Variants in ZNF251 observed in about 807,000 individuals in gnomAD.
ZNF251 encodes zinc finger protein 251.
A neutral mutation model predicts 13.5 loss-of-function variants in ZNF251; 14 were observed. The ratio of observed to expected loss-of-function variants is 1.04; its 90% CI spans 0.69 to 1.63. The LOEUF (loss-of-function observed/expected upper bound fraction) is 1.63, where lower values mean the gene tolerates loss of function less well. Ranked by LOEUF, ZNF251 falls within the 40% of genes most tolerant of loss-of-function variation. The pLI is 0.00. For missense variants in ZNF251, 764 were observed against 834.9 expected (o/e 0.92, Z 1.05); for synonymous variants, 287 against 295.2 (o/e 0.97, Z 0.28).
chr8:144,724,060 G>A (rs1188251689), intron 4 of ZNF251, among the ~76,000 whole-genome samples: 1 of 152,016 alleles, frequency 6.6e-6, no homozygotes, highest in Non-Finnish European at 1.5e-5. Flanking sequence ...TGGGTAACAC[G>A]GTGAAACCCC....
At position 144,723,499 on chromosome 8, in the gene ZNF251, A is replaced by G. The variant is rs758489179; in HGVS notation, c.278-117T>C. 2.6e-4 allele frequency: 168 copies of G among 646,220 alleles called. 1 individual carries two copies. Among genetic ancestry groups the G allele is most frequent in the Non-Finnish European group, 3.5e-4 (157 of 445,624 alleles). The allele number at this position is 646,220 out of a possible 1,614,324, so 40.0% of individuals were successfully genotyped here. ...GCAGAAGGCAGATGCTCCAATAGGA[A>G]AAGATGTGAAAGGCAGAATTCAGAA... On this transcript the variant is annotated intron_variant, in intron 4 of 4. Coordinates refer to ENST00000292562, the MANE Select transcript of ZNF251 (RefSeq NM_138367.2).
chr8:144,754,414 G>A lies in ZNF251; in HGVS notation c.34-93C>T, dbSNP rs543615980. On this transcript the variant is annotated intron_variant, in intron 2 of 4. Coordinates refer to ENST00000292562, the MANE Select transcript of ZNF251 (RefSeq NM_138367.2). ...GACCTGGTGGGGCCCCACTACCCAGGGCCCTGCTGTGGTCAGTATGAACTG... is the reference window on the plus strand; with the variant it reads ...GACCTGGTGGGGCCCCACTACCCAGAGCCCTGCTGTGGTCAGTATGAACTG... 5.4e-6 allele frequency: 8 copies of A among 1,468,162 alleles called. No individual in the cohort carries two copies. The East Asian group carries it at 1.2e-4, about 23-fold the overall frequency. The allele number at this position is 1,468,162 out of a possible 1,614,324, so 90.9% of individuals were successfully genotyped here.
chr8:144,742,200 C>A (rs1586698691), intron 4 of ZNF251, among the ~76,000 whole-genome samples: 1 of 151,406 alleles, frequency 6.6e-6, no homozygotes, highest in South Asian at 2.1e-4. Flanking sequence ...CTTTAAAGTG[C>A]TGAATGGGAA....
At chr8:144,730,751 C>T (rs890835519) in intron 4 of ZNF251, among the ~76,000 whole-genome samples, 7 of 152,216 alleles carry the variant, frequency 4.6e-5, no homozygotes, top group Non-Finnish European at 7.4e-5. Context: ...TGTGGCTCTC[C>T]GGGGTGCCCA....
At position 144,721,687 on chromosome 8, in the gene ZNF251, T is replaced by G. The variant is rs770698571; in HGVS notation, c.1973A>C (p.Tyr658Ser). Residue 658 changes from tyrosine (Y) to serine (S), a missense_variant, in exon 5 of 5, where the codon TAC (tyrosine) becomes TCC (serine). Coordinates refer to ENST00000292562, the MANE Select transcript of ZNF251 (RefSeq NM_138367.2). ...GAAAATCTTCTTGATATGAATAAAG[T>G]ATCTTTTAGAGCCATCATTTAAAGC... ...KPALNDGSKR[Y>S]FIHIKKIFQE... 5.9e-6 allele frequency: 8 copies of G among 1,353,154 alleles called. No individual in the cohort carries two copies. Among genetic ancestry groups the G allele is most frequent in the Non-Finnish European group, 7.7e-6 (8 of 1,043,284 alleles). 83.8% of individuals were successfully genotyped at this position (1,353,154 alleles called of 1,614,324 possible).
chr8:144,734,503 C>T lies in ZNF251; in HGVS notation c.278-11121G>A, dbSNP rs1307131632. ...AAGGCTCACAGCAACGGCATGAACT[C>T]TACTTGGTGCCGCTGGCCCTGTGGT... is the stretch of plus-strand genomic sequence containing the variant. On this transcript the variant is annotated intron_variant, in intron 4 of 4. Transcript: ENST00000292562. This position sits in a 1 kb window ranked among gnomAD's most constrained non-coding sequence, Gnocchi z 4.4. Among the ~76,000 whole-genome samples the T allele has an allele frequency of 3.3e-5, 5 of 152,206 alleles. No homozygotes were observed. Among genetic ancestry groups the T allele is most frequent in the Admixed American group, 2.0e-4 (3 of 15,278 alleles).
chr8:144,730,577 G>A lies in ZNF251; in HGVS notation c.278-7195C>T, dbSNP rs555280417. Among the ~76,000 whole-genome samples, 17 of 151,676 alleles carry A rather than the reference G, an allele frequency of 1.1e-4. No homozygotes were observed. In the East Asian group the frequency reaches 3.2e-3, roughly 28 times the overall value. On this transcript the variant is annotated intron_variant, in intron 4 of 4. Coordinates refer to ENST00000292562, the MANE Select transcript of ZNF251 (RefSeq NM_138367.2). ...ACGGGGCGTCCCGGGGGTGACACTG[G>A]CATGTGACGCTGCGACGGGGCGTCC...
Position 144,722,098 on chromosome 8 carries a change from T to C in ZNF251, c.1562A>G (p.His521Arg), listed in dbSNP as rs2129917113. ...GGAGCCATGAACAAAGGCTGGACCA[T>C]GTTTTCTGCACTTACGAGTCTCTCC... The part of the protein sequence containing the change: ...HSGETRKCRK[H>R]GPAFVHGSSL... Residue 521 changes from histidine (H) to arginine (R), a missense_variant, in exon 5 of 5, where the codon CAT becomes CGT. Transcript: ENST00000292562. The surrounding 1 kb of genome is among the most constrained non-coding windows in gnomAD (Gnocchi z 4.8). 1 of 1,613,912 alleles carries C rather than the reference T, an allele frequency of 6.2e-7. No individual in the cohort carries two copies. Among genetic ancestry groups the C allele is most frequent in the Non-Finnish European group, 8.5e-7 (1 of 1,179,876 alleles).
intron 4 of ZNF251, among the ~76,000 whole-genome samples, chr8:144,743,010 A>C (rs1289896190): frequency 6.6e-6 from 1 of 152,214 alleles, no homozygotes; most frequent in Non-Finnish European, 1.5e-5. Flanking sequence ...TTCACTTGGT[A>C]ATGTGCACTT....
Position 144,736,266 on chromosome 8 carries a change from G to A in ZNF251, c.278-12884C>T, listed in dbSNP as rs112108514. ...CATCCCTTAGCCTGGGGACTTGGTG[G>A]TCCTCCAGGGACTATCCCACTCTGA... On this transcript the variant is annotated intron_variant, in intron 4 of 4. Coordinates refer to ENST00000292562, the MANE Select transcript of ZNF251 (RefSeq NM_138367.2). Among the ~76,000 whole-genome samples, 653 of 152,190 alleles carry A rather than the reference G, an allele frequency of 4.3e-3. 2 individuals are homozygous for A. Among genetic ancestry groups the A allele is most frequent in the African/African-American group, 0.014 (589 of 41,530 alleles).
chr8:144,723,317 T>G lies in ZNF251; in HGVS notation c.343A>C (p.Thr115Pro), dbSNP rs1456387792. The G allele has an allele frequency of 6.5e-7, 1 of 1,550,346 alleles. No homozygotes were observed. Among genetic ancestry groups the G allele is most frequent in the Non-Finnish European group, 8.7e-7 (1 of 1,150,992 alleles). Residue 115 changes from threonine to proline, a missense_variant, in exon 5 of 5, where the codon ACC (threonine) becomes CCC (proline). By Grantham distance (38) the Thr-to-Pro change is conservative. Coordinates refer to ENST00000292562, the MANE Select transcript of ZNF251 (RefSeq NM_138367.2). Reference protein sequence around the residue: ...LNQKFSEEVKTPEFVSRRLLR... With the variant: ...LNQKFSEEVKPPEFVSRRLLR... ...AGTCTTCTTGATACAAATTCTGGGG[T>G]TTTTACTTCTTCGGAAAATTTTTGG...
intron 4 of ZNF251, among the ~76,000 whole-genome samples, chr8:144,741,961 A>G (rs115744855): frequency 0.024 from 3,674 of 152,290 alleles, 136 homozygotes; most frequent in African/African-American, 0.085. Context: ...CCCAAATTTG[A>G]TGAAAGACAG....
chr8:144,755,158 A>C (rs956907816), intron 1 of ZNF251: 3 of 1,183,258 alleles, frequency 2.5e-6, no homozygotes, highest in African/African-American at 1.7e-5. Flanking sequence ...CGTGAGAAGG[A>C]GGCCGCGGGG....
chr8:144,736,207 C>T (rs1460271751), intron 4 of ZNF251, among the ~76,000 whole-genome samples: 1 of 112,496 alleles, frequency 8.9e-6, no homozygotes, highest in African/African-American at 3.6e-5. Context: ...AATACCCTCC[C>T]TCCTTTCCCG....
chr8:144,751,425 A>G (rs897943413), intron 4 of ZNF251, among the ~76,000 whole-genome samples: 2 of 152,234 alleles, frequency 1.3e-5, no homozygotes, highest in Non-Finnish European at 2.9e-5. Context: ...CATAACAACT[A>G]TAACAAAAAG....
At chr8:144,753,635 G>C (rs1259106504) in intron 4 of ZNF251, 48 bp downstream of exon 4, 1 of 1,475,152 alleles carries the variant, frequency 6.8e-7, no homozygotes, top group Admixed American at 2.0e-5. Context: ...GCCTCTTAAG[G>C]CAGGATTGGG....
intron 4 of ZNF251, chr8:144,738,564 T>C (rs1824007645): frequency 3.0e-6 from 3 of 985,426 alleles, no homozygotes; most frequent in Non-Finnish European, 3.6e-6. Flanking sequence ...CCTCATGGTG[T>C]TGGAGGACCA....
At chr8:144,732,715 G>A (rs990456537) in intron 4 of ZNF251, among the ~76,000 whole-genome samples, 2 of 151,788 alleles carry the variant, frequency 1.3e-5, no homozygotes, top group Non-Finnish European at 2.9e-5. Flanking sequence ...GGGAGGCTGA[G>A]GCAGGAGAAT....
intron 4 of ZNF251, among the ~76,000 whole-genome samples, chr8:144,740,599 G>C (rs549644435): frequency 6.6e-6 from 1 of 151,148 alleles, no homozygotes; most frequent in East Asian, 1.9e-4. Context: ...TGGCACCACT[G>C]CACTCCAGCC....
Sources: allele counts gnomAD v4.1 joint callset (sites outside exome capture counted in the v4.1 genomes callset), GRCh38; gene constraint gnomAD v4.1.1; non-coding constraint Gnocchi (gnomAD v3.1); transcripts MANE v1.5; gene names NCBI Gene and HGNC (gene_info 2026-07-23, HGNC 2026-07-21).